The following CACNB2 variants were observed in gnomAD, a reference collection of about 807,000 sequenced individuals.
The protein encoded by CACNB2 is calcium voltage-gated channel auxiliary subunit beta 2.
A neutral mutation model predicts 73.3 loss-of-function variants in CACNB2; 42 were observed. The ratio of observed to expected loss-of-function variants is 0.57; its 90% CI spans 0.45 to 0.74. The LOEUF is 0.74. CACNB2 is among the 30% of genes least tolerant of loss of function. CACNB2 has a pLI of 0.00. For missense variants in CACNB2, 940 were observed against 853.0 expected (o/e 1.10, Z -1.27); for synonymous variants, 348 against 310.3 (o/e 1.12, Z -1.28).
intron 2 of CACNB2, among the ~76,000 whole-genome samples, chr10:18,220,232 T>TGGGGGGGG (rs2035719332): frequency 3.2e-4 from 8 of 25,094 alleles, no homozygotes; most frequent in African/African-American, 1.7e-3. Context: ...TATATATATA[T>TGGGGGGGG]AGAGAGAGAG....
intron 7 of CACNB2, among the ~76,000 whole-genome samples, chr10:18,515,542 T>C (rs144914533): frequency 1.1e-4 from 16 of 152,364 alleles, no homozygotes; most frequent in African/African-American, 3.8e-4. Flanking sequence ...AAGTCATTAA[T>C]GAGGTGTCAG....
At chr10:18,210,185 T>C (rs889254576) in intron 2 of CACNB2, among the ~76,000 whole-genome samples, 37 of 152,176 alleles carry the variant, frequency 2.4e-4, no homozygotes, top group Admixed American at 3.3e-4. Context: ...AGGTGAGTAA[T>C]GAGGCTTTTA....
At chr10:18,265,687 G>C (rs2037766622) in intron 2 of CACNB2, among the ~76,000 whole-genome samples, 1 of 152,016 alleles carries the variant, frequency 6.6e-6, no homozygotes, top group Non-Finnish European at 1.5e-5. Flanking sequence ...TTCTTTCTTT[G>C]AGTCTCGGTT....
intron 2 of CACNB2, among the ~76,000 whole-genome samples, chr10:18,298,235 G>C (rs928470205): frequency 6.6e-6 from 1 of 152,234 alleles, no homozygotes; most frequent in South Asian, 2.1e-4. Flanking sequence ...TGGGCATGGT[G>C]GTGGGCGCCT....
At chr10:18,313,781 C>A (rs1402010331) in intron 2 of CACNB2, among the ~76,000 whole-genome samples, 1 of 152,210 alleles carries the variant, frequency 6.6e-6, no homozygotes, top group Admixed American at 6.5e-5. Flanking sequence ...AAGAGAATTG[C>A]AGATGTATTC....
intron 1 of CACNB2, among the ~76,000 whole-genome samples, chr10:18,146,813 G>C (rs553077835): frequency 5.1e-4 from 78 of 152,238 alleles, no homozygotes; most frequent in Non-Finnish European, 6.8e-4. Context: ...AGTAGAAACA[G>C]GGTTTCGCCA....
At chr10:18,371,032 A>G (rs753614567) in intron 2 of CACNB2, among the ~76,000 whole-genome samples, 12 of 152,232 alleles carry the variant, frequency 7.9e-5, no homozygotes, top group Non-Finnish European at 1.6e-4. Flanking sequence ...AGTAATATGT[A>G]TTCATACACT....
intron 2 of CACNB2, among the ~76,000 whole-genome samples, chr10:18,255,914 C>G (rs977962660): frequency 1.3e-5 from 2 of 152,186 alleles, no homozygotes; most frequent in African/African-American, 4.8e-5. Context: ...TGAAAGAGTT[C>G]TCTTCTTGAA....
chr10:18,222,007 G>C (rs2035811622), intron 2 of CACNB2, among the ~76,000 whole-genome samples: 1 of 152,228 alleles, frequency 6.6e-6, no homozygotes, highest in Non-Finnish European at 1.5e-5. Flanking sequence ...TGCAGTCCTA[G>C]AGATTGGCTG....
intron 2 of CACNB2, among the ~76,000 whole-genome samples, chr10:18,351,318 G>C (rs1289056222): frequency 6.6e-6 from 1 of 152,114 alleles, no homozygotes; most frequent in Non-Finnish European, 1.5e-5. Flanking sequence ...AATTAATTCT[G>C]TGATAAAGTA....
In CACNB2 at chr10:18,140,820, C is replaced by T. The variant is rs763573123; in HGVS notation, c.84C>T (p.Asn28=). The T allele has an allele frequency of 1.1e-5, 18 of 1,604,210 alleles. No individual in the cohort carries two copies. The highest frequency in any genetic ancestry group is 1.4e-5 in the Non-Finnish European group (17 of 1,176,954). ...AGATCCAGATGGAACTGCTAGAGAA[C>T]GTGGCTCCCGCGGGGGCGCTCGGAG... is the stretch of plus-strand genomic sequence containing the variant. ...AQEIQMELLE[N]VAPAGALGAA... is the part of the protein sequence containing the mutation. The change falls in exon 1 of 14, where the codon AAC becomes AAT. Residue 28 remains asparagine (N), a synonymous_variant. Transcript: ENST00000324631.
chr10:18,466,966 C>T (rs1564582051), intron 3 of CACNB2, among the ~76,000 whole-genome samples: 1 of 152,050 alleles, frequency 6.6e-6, no homozygotes, highest in African/African-American at 2.4e-5. Flanking sequence ...GCAGCCTGGC[C>T]AACATGGTGA....
chr10:18,522,622 G>A (rs2052017265), intron 9 of CACNB2, among the ~76,000 whole-genome samples: 1 of 152,110 alleles, frequency 6.6e-6, no homozygotes, highest in Admixed American at 6.5e-5. Context: ...GCTCCTGCCT[G>A]TAATCCCAGC....
intron 9 of CACNB2, among the ~76,000 whole-genome samples, chr10:18,523,308 G>A (rs2052110470): frequency 6.6e-6 from 1 of 152,298 alleles, no homozygotes; most frequent in Admixed American, 6.5e-5. Context: ...CAAAGATGGG[G>A]AAATGGGATG....
At chr10:18,351,206 G>A (rs1036925785) in intron 2 of CACNB2, among the ~76,000 whole-genome samples, 21 of 150,032 alleles carry the variant, frequency 1.4e-4, no homozygotes, top group African/African-American at 5.2e-4. Flanking sequence ...TTTCTCATCA[G>A]GCTTTCTTGG....
intron 10 of CACNB2, among the ~76,000 whole-genome samples, chr10:18,532,499 G>A (rs541446773): frequency 3.3e-5 from 5 of 151,406 alleles, no homozygotes; most frequent in East Asian, 1.9e-4. Flanking sequence ...ATGGTGAAAC[G>A]CCATCTCTAC....
chr10:18,331,419 A>G (rs1347381121), intron 2 of CACNB2, among the ~76,000 whole-genome samples: 3 of 151,214 alleles, frequency 2.0e-5, no homozygotes. Flanking sequence ...GCGTCATTGC[A>G]GTCTAGCCTG....
chr10:18,141,310 T>A, intron 1 of CACNB2: 1 of 1,110,414 alleles, frequency 9.0e-7, no homozygotes, highest in Non-Finnish European at 1.3e-6. Flanking sequence ...TGGGCGTGGG[T>A]GTGAGGATGA....
chr10:18,448,399 TGG>T (rs2046840748), intron 3 of CACNB2, among the ~76,000 whole-genome samples: 1 of 142,386 alleles, frequency 7.0e-6, no homozygotes, highest in Non-Finnish European at 1.5e-5. Context: ...CACCTGAACC[TGG>T]GAGGCGGAGG....
Sources: allele counts gnomAD v4.1 joint callset (sites outside exome capture counted in the v4.1 genomes callset), GRCh38; gene constraint gnomAD v4.1.1; transcripts MANE v1.5; gene names NCBI Gene and HGNC (gene_info 2026-07-23, HGNC 2026-07-21).